TFAP2A: variants seen among roughly 807,000 people sequenced by gnomAD.
The protein encoded by TFAP2A is transcription factor AP-2 alpha.
Under a neutral mutation model 41.5 loss-of-function variants are expected in TFAP2A, and 7 were observed. The observed-to-expected ratio is 0.17, with a 90% CI of 0.10 to 0.32. TFAP2A has a LOEUF of 0.32. TFAP2A is among the 10% of genes least tolerant of loss of function. The pLI, the probability that TFAP2A is intolerant of heterozygous loss-of-function variation, is 1.00. For synonymous variants in TFAP2A, 247 were observed against 242.8 expected (o/e 1.02, Z -0.16); for missense variants, 416 against 563.3 (o/e 0.74, Z 2.65).
upstream of TFAP2A, among the ~76,000 whole-genome samples, chr6:10,417,381 C>T (rs1350161594): frequency 2.0e-5 from 3 of 152,228 alleles, no homozygotes; most frequent in African/African-American, 4.8e-5. Context: ...GACCTGCCGG[C>T]TCTGGACTGC....
At position 10,411,668 on chromosome 6, in the gene TFAP2A, C is replaced by T; in HGVS notation, c.52-1333G>A. ...AGCCTGGAGCGCCCGGCTGCCCCGCCGCCCGAGCGCGCCCCACACAAAAGG... is the reference window on the plus strand; with the variant it reads ...AGCCTGGAGCGCCCGGCTGCCCCGCTGCCCGAGCGCGCCCCACACAAAAGG... On this transcript the variant is annotated intron_variant, in intron 1 of 6. Transcript: ENST00000379613. 3.7e-6 allele frequency: 6 copies of T among 1,607,658 alleles called. No homozygotes were observed. In the South Asian group the frequency reaches 5.5e-5, roughly 15 times the overall value.
At position 10,414,738 on chromosome 6, in the gene TFAP2A, G is replaced by C. The variant is rs1008974124; in HGVS notation, c.51+203C>G. 9.5e-6 allele frequency: 7 copies of C among 736,490 alleles called. No homozygotes were observed. The East Asian group carries it at 1.9e-4, about 20-fold the overall frequency. 45.6% of individuals were successfully genotyped at this position (736,490 alleles called of 1,614,324 possible). A position where few individuals can be genotyped will look rare whatever the true frequency, so the allele number is the denominator to read the frequency against. On this transcript the variant is annotated intron_variant, in intron 1 of 6. Coordinates refer to ENST00000379613, the MANE Select transcript of TFAP2A (RefSeq NM_001372066.1). ...AGTGGGACACGAGCTTCAAAGTAGG[G>C]AAACCAAAGAAGGGAGCATCCACGT...
At chr6:10,417,738 T>C (rs2113237789), upstream of TFAP2A, among the ~76,000 whole-genome samples, 1 of 152,184 alleles carries the variant, frequency 6.6e-6, no homozygotes, top group Non-Finnish European at 1.5e-5. Flanking sequence ...GCCCAGCCCA[T>C]CAGATTCGGC....
At chr6:10,411,650 A>G in intron 1 of TFAP2A, 1 of 1,612,174 alleles carries the variant, frequency 6.2e-7, no homozygotes, top group South Asian at 1.1e-5. Flanking sequence ...GCAAGCCTGG[A>G]GCGCCCGGCT....
intron 4 of TFAP2A, among the ~76,000 whole-genome samples, chr6:10,403,022 TC>T (rs1179658221): frequency 6.6e-6 from 1 of 152,266 alleles, no homozygotes; most frequent in African/African-American, 2.4e-5. Flanking sequence ...GTTAGGTTGT[TC>T]CGAGTAACCA....
Position 10,404,491 on chromosome 6 carries a change from G to C in TFAP2A, c.770+17C>G. On this transcript the variant is annotated intron_variant, in intron 4 of 6. Transcript: ENST00000379613. Reference sequence around the variant, plus strand: ...CCGGCCGCGGGGCGGGGCGGGCGGGGCCGTGCCGGGCCTCACCTCCGGAGC... The same window carrying C: ...CCGGCCGCGGGGCGGGGCGGGCGGGCCCGTGCCGGGCCTCACCTCCGGAGC... 1.3e-6 allele frequency: 2 copies of C among 1,547,098 alleles called. No homozygotes were observed. Among genetic ancestry groups the C allele is most frequent in the Non-Finnish European group, 1.7e-6 (2 of 1,146,354 alleles).
At position 10,398,543 on chromosome 6, in the gene TFAP2A, C is replaced by G. The variant is rs2230116; in HGVS notation, c.1194G>C (p.Thr398=). Reference sequence around the variant, plus strand: ...CCTCGGTGAGATAGTTCTGCAGGGCCGTGACCGCGGCACACACCGCGGGGC... The same window carrying G: ...CCTCGGTGAGATAGTTCTGCAGGGCGGTGACCGCGGCACACACCGCGGGGC... The part of the protein sequence containing the change: ...FGSPAVCAAV[T]ALQNYLTEAL... Residue 398 remains threonine (T), a synonymous_variant, in exon 7 of 7, where the codon ACG becomes ACC. Transcript: ENST00000379613. The surrounding 1 kb of genome is among the most constrained non-coding windows in gnomAD (Gnocchi z 5.3). 1 of 1,614,066 alleles carries G rather than the reference C, an allele frequency of 6.2e-7. No individual in the cohort carries two copies. Among genetic ancestry groups the G allele is most frequent in the African/African-American group, 1.3e-5 (1 of 74,916 alleles).
At chr6:10,417,504 A>G (rs1431688186), upstream of TFAP2A, among the ~76,000 whole-genome samples, 1 of 152,206 alleles carries the variant, frequency 6.6e-6, no homozygotes, top group Non-Finnish European at 1.5e-5. Flanking sequence ...GCTTCATTGC[A>G]TGTCAATGCT....
intron 1 of TFAP2A, among the ~76,000 whole-genome samples, chr6:10,414,089 G>A (rs1432612365): frequency 1.3e-5 from 2 of 152,226 alleles, no homozygotes; most frequent in African/African-American, 4.8e-5. Flanking sequence ...GTTCCAAAGC[G>A]GCGCGCTCTG....
intron 3 of TFAP2A, chr6:10,406,334 G>C (rs553227905): frequency 5.8e-6 from 1 of 172,168 alleles, no homozygotes; most frequent in Non-Finnish European, 1.2e-5. Context: ...CCCTTAAACA[G>C]CTAACAAGAA....
At position 10,397,747 on chromosome 6, in the gene TFAP2A, C is replaced by G. The variant is rs1047402910; in HGVS notation, c.*670G>C. The G allele has an allele frequency of 2.0e-6, 1 of 509,492 alleles. No individual in the cohort carries two copies. The highest frequency in any genetic ancestry group is 2.1e-5 in the African/African-American group (1 of 47,944). 31.6% of individuals were successfully genotyped at this position (509,492 alleles called of 1,614,324 possible). ...ATAAATATATACAGAGACGTGAACACTGATTCCCTTATATAACTGCGAATC... is the reference window on the plus strand; with the variant it reads ...ATAAATATATACAGAGACGTGAACAGTGATTCCCTTATATAACTGCGAATC... On this transcript the variant is annotated 3_prime_UTR_variant, in exon 7 of 7. Transcript: ENST00000379613.
In TFAP2A at chr6:10,398,702, C is replaced by G; in HGVS notation, c.1035G>C (p.Gln345His). Residue 345 changes from glutamine to histidine, a missense_variant, in exon 7 of 7, where the codon CAG becomes CAC. Physicochemically the swap from Gln to His is conservative, Grantham distance 24 (BLOSUM62 0). Around this residue, in one of 3 missense-constraint regions of TFAP2A, gnomAD observed 116 missense variants for 153.8 expected, o/e 0.75. Transcript: ENST00000379613. This position sits in a 1 kb window ranked among gnomAD's most constrained non-coding sequence, Gnocchi z 5.3. ...TRKNMLLATKQICKEFTDLLA... is the reference protein window; with the variant it reads ...TRKNMLLATKHICKEFTDLLA... ...GCAGGTCGGTGAACTCTTTGCATAT[C>G]TGTCTGCAGCACAAGTGGAGCAGAG... 1 of 1,613,994 alleles carries G rather than the reference C, an allele frequency of 6.2e-7. No individual in the cohort carries two copies. The highest frequency in any genetic ancestry group is 1.3e-5 in the African/African-American group (1 of 75,030).
rs963406342 is a variant in TFAP2A at position 10,397,155 on chromosome 6, A to G, written c.*1262T>C. 2.0e-5 allele frequency: 3 copies of G among 152,244 alleles called. No homozygotes were observed. Among genetic ancestry groups the G allele is most frequent in the African/African-American group, 7.2e-5 (3 of 41,458 alleles). The allele number at this position is 152,244 out of a possible 1,614,324, so 9.4% of individuals were successfully genotyped here. A position where few individuals can be genotyped will look rare whatever the true frequency, so the allele number is the denominator to read the frequency against. ...ATACAATGCAACTAGAACTGCTTCC[A>G]ATATGGCCAGTGAAAATACAGAATA... On this transcript the variant is annotated 3_prime_UTR_variant, in exon 7 of 7. Transcript: ENST00000379613.
rs773862113 is a variant in TFAP2A, at chr6:10,397,784, G to GA, written c.*632dup. 2.0e-4 allele frequency: 177 copies of GA among 891,152 alleles called. No individual in the cohort carries two copies. Among genetic ancestry groups the GA allele is most frequent in the Non-Finnish European group, 2.3e-4 (174 of 743,950 alleles). 55.2% of individuals were successfully genotyped at this position (891,152 alleles called of 1,614,324 possible). A position where few individuals can be genotyped will look rare whatever the true frequency, so the allele number is the denominator to read the frequency against. On this transcript the variant is annotated 3_prime_UTR_variant, in exon 7 of 7. Coordinates refer to ENST00000379613, the MANE Select transcript of TFAP2A (RefSeq NM_001372066.1). ...TATAACTGCGAATCGTGTTGCCAGA[G>GA]AAAGTTCAAGTTGGTCGCTTTACCT...
chr6:10,414,590 C>G, intron 1 of TFAP2A: 1 of 470,252 alleles, frequency 2.1e-6, no homozygotes, highest in Non-Finnish European at 3.9e-6. Flanking sequence ...CCCTCAATCT[C>G]GATGAAGATA....
chr6:10,410,146 G>A lies in TFAP2A; in HGVS notation c.241C>T (p.Pro81Ser). The A allele has an allele frequency of 6.2e-7, 1 of 1,611,362 alleles. No individual in the cohort carries two copies. The highest frequency in any genetic ancestry group is 8.5e-7 in the Non-Finnish European group (1 of 1,179,406). The stretch of plus-strand genomic sequence containing the variant: ...GCGTGCAGGGGGTTCAGGCTGTAGG[G>A]GTCGTTGACGTGGGAGTAAGGATCT... The part of the protein sequence containing the change: ...SQDPYSHVND[P>S]YSLNPLHAQP... The change falls in exon 2 of 7, where the codon CCC becomes TCC. Residue 81 changes from proline (P) to serine (S), a missense_variant. Physicochemically the swap from Pro to Ser is moderately conservative, Grantham distance 74. This residue lies in a region of TFAP2A where 241 missense variants were observed against 274.1 expected (regional missense o/e 0.88). Transcript: ENST00000379613.
At chr6:10,404,430 C>T (rs1179582395) in intron 4 of TFAP2A, 78 bp downstream of exon 4, 1 of 1,112,604 alleles carries the variant, frequency 9.0e-7, no homozygotes. Context: ...CTGTTTGCGT[C>T]GCCGCCACCG....
At chr6:10,415,343 G>C (rs1048691277), upstream of TFAP2A, 9 of 1,177,250 alleles carry the variant, frequency 7.6e-6, no homozygotes, top group East Asian at 4.0e-5. Flanking sequence ...CCAATTGCTC[G>C]CCAGTACCAC....
chr6:10,400,366 G>C (rs1208557234), intron 6 of TFAP2A, 82 bp downstream of exon 6: 1 of 1,558,752 alleles, frequency 6.4e-7, no homozygotes, highest in Admixed American at 1.7e-5. Context: ...GAAAACAAGG[G>C]AGAAGGAAGA....
Sources: gnomAD v4.1 joint callset for allele counts (sites outside exome capture counted in the v4.1 genomes callset) on GRCh38, gnomAD v4.1.1 for gene constraint, gnomAD v4.1.1 regional missense constraint, Gnocchi (gnomAD v3.1) non-coding constraint, MANE v1.5 for transcripts, NCBI Gene and HGNC (gene_info 2026-07-23, HGNC 2026-07-21) for gene names.